ITCH: variants seen among roughly 807,000 people sequenced by gnomAD.
ITCH encodes itchy E3 ubiquitin protein ligase, also known as E3 ubiquitin-protein ligase Itchy homolog.
Under a neutral mutation model 126.8 loss-of-function variants are expected in ITCH, and 28 were observed. The observed-to-expected ratio is 0.22, with a 90% CI of 0.16 to 0.30. The LOEUF is 0.30. ITCH is among the 10% of genes least tolerant of loss of function. The pLI is 1.00. For synonymous variants in ITCH, 342 were observed against 340.0 expected, an observed-to-expected ratio of 1.01 and a Z score of -0.06; for missense variants, 631 against 1,032.4, an observed-to-expected ratio of 0.61 and a Z score of 5.33.
chr20:34,499,741 C>T (rs1990135779), intron 23 of ITCH, among the ~76,000 whole-genome samples: 1 of 151,156 alleles, frequency 6.6e-6, no homozygotes, highest in Non-Finnish European at 1.5e-5. Context: ...TTTGGGTTTG[C>T]TTTGTTCTTT....
At position 34,439,608 on chromosome 20, in the gene ITCH, A is replaced by G. The variant is rs1983470651; in HGVS notation, c.680-547A>G. Among the ~76,000 whole-genome samples the G allele has an allele frequency of 2.6e-5, 4 of 152,308 alleles. No individual in the cohort carries two copies. In the South Asian group the frequency reaches 8.3e-4, roughly 32 times the overall value. ...TTTTATAGATAATTTGATTAATTGT[A>G]TATTCTGAGTCTTTAAGATGTCTTT... On this transcript the variant is annotated intron_variant, in intron 8 of 24. Coordinates refer to ENST00000374864, the MANE Select transcript of ITCH (RefSeq NM_031483.7).
At chr20:34,478,083 A>G (rs1988396524) in intron 17 of ITCH, among the ~76,000 whole-genome samples, 1 of 152,226 alleles carries the variant, frequency 6.6e-6, no homozygotes, top group Non-Finnish European at 1.5e-5. Context: ...CACTCATTTA[A>G]TCTTCAGGGT....
chr20:34,392,884 C>T (rs1035224344), intron 2 of ITCH, among the ~76,000 whole-genome samples: 12 of 152,030 alleles, frequency 7.9e-5, no homozygotes, highest in African/African-American at 1.9e-4. Flanking sequence ...GCCCGGGAGG[C>T]GCTCCAGAAC....
chr20:34,505,175 C>G (rs1600517143), intron 24 of ITCH, among the ~76,000 whole-genome samples: 1 of 152,002 alleles, frequency 6.6e-6, no homozygotes, highest in Non-Finnish European at 1.5e-5. Context: ...TCCCAAGCAG[C>G]TGGGATTACA....
At chr20:34,473,757 AG>A (rs1987864769) in intron 16 of ITCH, among the ~76,000 whole-genome samples, 2 of 152,244 alleles carry the variant, frequency 1.3e-5, no homozygotes, top group African/African-American at 4.8e-5. Context: ...AATATTTATG[AG>A]GTTAATAACT....
rs139721288 is a variant in ITCH at position 34,427,352 on chromosome 20, A to G, written c.521+2827A>G. On this transcript the variant is annotated intron_variant, in intron 7 of 24. Coordinates refer to ENST00000374864, the MANE Select transcript of ITCH (RefSeq NM_031483.7). ...TGTAATCCCAGCATTTTGGGAGGCC[A>G]AGACAGGAGGATCACTTGAGCCTAG... 3.8e-4 allele frequency among the ~76,000 whole-genome samples: 58 copies of G among 152,340 alleles called. 2 individuals are homozygous for G. The East Asian group carries it at 6.6e-3, about 17-fold the overall frequency.
intron 12 of ITCH, among the ~76,000 whole-genome samples, chr20:34,452,107 A>G (rs1185405755): frequency 4.0e-5 from 6 of 151,174 alleles, no homozygotes; most frequent in Non-Finnish European, 5.9e-5. Flanking sequence ...CAGAAAAACT[A>G]TGACCTGCTT....
intron 3 of ITCH, chr20:34,402,677 A>G (rs2038928959): frequency 1.9e-6 from 1 of 537,402 alleles, no homozygotes; most frequent in African/African-American, 1.9e-5. Flanking sequence ...ACCCACAACA[A>G]CACACTTAAT....
In ITCH at chr20:34,462,046, A is replaced by G. The variant is rs374271225; in HGVS notation, c.1296-47A>G. 3.2e-5 allele frequency: 51 copies of G among 1,595,742 alleles called. 1 individual carries two copies. The African/African-American group carries it at 6.6e-4, about 21-fold the overall frequency. ...TTGTAGCTTCTGTACTTGGCAAACA[A>G]GCAACTCTTTAATATTTTTGTTTAT... On this transcript the variant is annotated intron_variant, in intron 13 of 24. Coordinates refer to ENST00000374864, the MANE Select transcript of ITCH (RefSeq NM_031483.7).
intron 2 of ITCH, among the ~76,000 whole-genome samples, chr20:34,379,305 A>G (rs1466082726): frequency 2.0e-5 from 3 of 152,130 alleles, no homozygotes; most frequent in Non-Finnish European, 4.4e-5. Context: ...AAAATATCCT[A>G]GTTTTATTTT....
intron 7 of ITCH, among the ~76,000 whole-genome samples, chr20:34,430,485 T>C (rs1601881381): frequency 6.6e-6 from 1 of 152,324 alleles, no homozygotes; most frequent in East Asian, 1.9e-4. Flanking sequence ...CTGTTTTGTT[T>C]TGTTTTAAGA....
intron 3 of ITCH, chr20:34,402,337 A>G: frequency 9.7e-7 from 1 of 1,028,086 alleles, no homozygotes; most frequent in African/African-American, 1.6e-5. Context: ...GTTCTTGGCA[A>G]GTTTCTCAAT....
At chr20:34,397,993 ATTT>A (rs570535836) in intron 3 of ITCH, among the ~76,000 whole-genome samples, 1 of 143,104 alleles carries the variant, frequency 7.0e-6, no homozygotes, top group Non-Finnish European at 1.5e-5. Flanking sequence ...TCGTTATTGA[ATTT>A]TTTTTTTTTT....
chr20:34,485,476 A>G (rs1324782169), intron 20 of ITCH, among the ~76,000 whole-genome samples: 1 of 152,104 alleles, frequency 6.6e-6, no homozygotes, highest in East Asian at 1.9e-4. Context: ...TTCCTTGACT[A>G]ATGGTGTCAA....
chr20:34,402,574 C>T lies in ITCH; in HGVS notation c.71-6077C>T, dbSNP rs189592913. 8.5e-4 allele frequency: 599 copies of T among 704,278 alleles called. 7 individuals carry two copies. The East Asian group carries it at 0.016, about 19-fold the overall frequency. 43.6% of individuals were successfully genotyped at this position (704,278 alleles called of 1,614,324 possible). A position where few individuals can be genotyped will look rare whatever the true frequency, so the allele number is the denominator to read the frequency against. On this transcript the variant is annotated intron_variant, in intron 3 of 24. Coordinates refer to ENST00000374864, the MANE Select transcript of ITCH (RefSeq NM_031483.7). ...AAAAAGTCCAAGAGTATATGGTTCT[C>T]TACCAGTCATAATTGTTATTGCATA...
Position 34,510,632 on chromosome 20 carries a change from A to G in ITCH, c.*2838A>G, listed in dbSNP as rs919536800. 1.3e-5 allele frequency: 2 copies of G among 152,078 alleles called. No individual in the cohort carries two copies. The highest frequency in any genetic ancestry group is 2.9e-5 in the Non-Finnish European group (2 of 68,000). The allele number at this position is 152,078 out of a possible 1,614,324, so 9.4% of individuals were successfully genotyped here. ...CAAATGGAGTGGTTTAAAACTGATC[A>G]AGCAGCTCATAATAATGAATTCCTG... is the stretch of plus-strand genomic sequence containing the variant. On this transcript the variant is annotated 3_prime_UTR_variant, in exon 25 of 25. Transcript: ENST00000374864.
At chr20:34,371,369 T>G (rs1216229932) in intron 2 of ITCH, among the ~76,000 whole-genome samples, 1 of 142,710 alleles carries the variant, frequency 7.0e-6, no homozygotes, top group African/African-American at 2.6e-5. Context: ...TTCTGCCCCC[T>G]GGGTTCAAGT....
intron 11 of ITCH, among the ~76,000 whole-genome samples, chr20:34,447,163 A>G (rs1454461114): frequency 1.4e-5 from 2 of 138,914 alleles, no homozygotes; most frequent in Non-Finnish European, 3.1e-5. Flanking sequence ...TAGTACTCAG[A>G]GTCTTTGGAA....
Position 34,471,527 on chromosome 20 carries a change from T to C in ITCH, c.1569+12T>C. 1 of 1,530,248 alleles carries C rather than the reference T, an allele frequency of 6.5e-7. No individual in the cohort carries two copies. 94.8% of individuals were successfully genotyped at this position (1,530,248 alleles called of 1,614,324 possible). A position where few individuals can be genotyped will look rare whatever the true frequency, so the allele number is the denominator to read the frequency against. On this transcript the variant is annotated intron_variant, in intron 16 of 24. Transcript: ENST00000374864. The stretch of plus-strand genomic sequence containing the variant: ...ATTCCTTTCAACAGGTACTGTTTCA[T>C]TCTCTCAATAATTTCCCCCCTGGCT...
Sources: gnomAD v4.1 joint callset for allele counts (sites outside exome capture counted in the v4.1 genomes callset) on GRCh38, gnomAD v4.1.1 for gene constraint, MANE v1.5 for transcripts, NCBI Gene and HGNC (gene_info 2026-07-23, HGNC 2026-07-21) for gene names.